The following TMOD1 variants were observed in gnomAD, a reference collection of about 807,000 sequenced individuals.
TMOD1 encodes the protein tropomodulin 1.
In TMOD1, 17 loss-of-function variants were observed where a neutral mutation model predicts 40.6. The observed-to-expected ratio is 0.42, with a 90% CI of 0.29 to 0.63. TMOD1 has a LOEUF of 0.63. Ranked by LOEUF, TMOD1 falls within the 20% of genes least tolerant of loss-of-function variation. TMOD1 has a pLI of 0.22. For missense variants in TMOD1, 391 were observed against 447.6 expected (o/e 0.87, Z 1.14); for synonymous variants, 181 against 175.0 (o/e 1.03, Z -0.27).
chr9:97,556,772 A>G (rs924175005), intron 4 of TMOD1, among the ~76,000 whole-genome samples: 5 of 152,236 alleles, frequency 3.3e-5, no homozygotes, highest in African/African-American at 1.2e-4. Flanking sequence ...CACTTGGGGT[A>G]GGGCTGGGGG....
chr9:97,560,137 T>A (rs904546554), intron 4 of TMOD1, among the ~76,000 whole-genome samples: 3 of 106,708 alleles, frequency 2.8e-5, no homozygotes, highest in African/African-American at 1.0e-4. Context: ...GACTTGGATA[T>A]TTTTTAAAAA....
At chr9:97,563,953 A>G (rs751212498) in intron 5 of TMOD1, 85 bp from the exon 6 acceptor site, 94 of 1,520,000 alleles carry the variant, frequency 6.2e-5, no homozygotes, top group Non-Finnish European at 8.1e-5. Context: ...AACCCTGCAC[A>G]TGCTCCCTTC....
chr9:97,561,571 A>G (rs1026901780), intron 4 of TMOD1, among the ~76,000 whole-genome samples: 1 of 152,218 alleles, frequency 6.6e-6, no homozygotes, highest in Non-Finnish European at 1.5e-5. Context: ...GGCCCAGAGC[A>G]TGTGCTCAGT....
At chr9:97,511,108 A>ACACACACATACG (rs1554752913) in intron 1 of TMOD1, among the ~76,000 whole-genome samples, 5 of 149,714 alleles carry the variant, frequency 3.3e-5, no homozygotes, top group African/African-American at 1.2e-4. Context: ...ACACACACAC[A>ACACACACATACG]CACAGGCTTT....
chr9:97,522,052 T>TG (rs917820061), intron 1 of TMOD1, among the ~76,000 whole-genome samples: 6 of 152,244 alleles, frequency 3.9e-5, no homozygotes, highest in African/African-American at 1.4e-4. Context: ...GTTGGTTGGT[T>TG]GGCTTGCATG....
chr9:97,549,595 A>AT (rs369661028), intron 3 of TMOD1, among the ~76,000 whole-genome samples: 2 of 152,062 alleles, frequency 1.3e-5, no homozygotes, highest in Non-Finnish European at 2.9e-5. Context: ...GTTATGATAC[A>AT]TTTTTTTCCC....
At chr9:97,545,949 A>G (rs10817739) in intron 2 of TMOD1, among the ~76,000 whole-genome samples, 30,817 of 152,056 alleles carry the variant, frequency 0.2, 3,558 homozygotes, top group Middle Eastern at 0.29. Context: ...TTGAGACCTG[A>G]GTCCTAGCCT....
chr9:97,598,284 C>T lies in TMOD1; in HGVS notation c.1016-1350C>T, dbSNP rs182051311. ...GCGAGGTTGCAGTGGGCCAAGATTG[C>T]GCCACTGCACTCCAGTCTGTGTGAC... is the stretch of plus-strand genomic sequence containing the variant. On this transcript the variant is annotated intron_variant, in intron 9 of 9. Transcript: ENST00000259365. Among the ~76,000 whole-genome samples the T allele has an allele frequency of 6.4e-5, 9 of 139,562 alleles. No individual in the cohort carries two copies. In the East Asian group the frequency reaches 1.8e-3, roughly 28 times the overall value. The allele number at this position is 139,562 out of a possible 152,430, so 91.6% of individuals were successfully genotyped here.
chr9:97,535,171 G>C (rs887502194), intron 2 of TMOD1, among the ~76,000 whole-genome samples: 1 of 152,154 alleles, frequency 6.6e-6, no homozygotes, highest in Non-Finnish European at 1.5e-5. Context: ...GAGTATGCTG[G>C]GGAGTGATGT....
intron 1 of TMOD1, among the ~76,000 whole-genome samples, chr9:97,504,722 G>A (rs945692547): frequency 2.0e-5 from 3 of 152,090 alleles, no homozygotes; most frequent in African/African-American, 7.2e-5. Context: ...CCTGCTCTGG[G>A]GCCTCATAAC....
intron 1 of TMOD1, among the ~76,000 whole-genome samples, chr9:97,512,166 G>A (rs1267979997): frequency 6.6e-6 from 1 of 152,104 alleles, no homozygotes; most frequent in Non-Finnish European, 1.5e-5. Context: ...ATGTCCAGAA[G>A]GCATATAAAA....
chr9:97,542,529 C>A (rs1830288891), intron 2 of TMOD1, among the ~76,000 whole-genome samples: 1 of 152,012 alleles, frequency 6.6e-6, no homozygotes, highest in African/African-American at 2.4e-5. Flanking sequence ...AATGCAGTGG[C>A]TCTCAATCAG....
chr9:97,571,649 C>T (rs376715611), intron 8 of TMOD1, among the ~76,000 whole-genome samples: 9 of 152,334 alleles, frequency 5.9e-5, no homozygotes, highest in African/African-American at 2.2e-4. Context: ...GATGAGGAAA[C>T]GGAGTGCCAG....
At chr9:97,510,236 G>GT (rs1829673203) in intron 1 of TMOD1, among the ~76,000 whole-genome samples, 3 of 125,614 alleles carry the variant, frequency 2.4e-5, no homozygotes, top group African/African-American at 2.8e-5. Flanking sequence ...CTACAAGTTA[G>GT]CTTTTTTTTT....
At chr9:97,559,794 A>AT (rs1554683057) in intron 4 of TMOD1, among the ~76,000 whole-genome samples, 40 of 23,142 alleles carry the variant, frequency 1.7e-3, no homozygotes, top group Non-Finnish European at 2.2e-3. Flanking sequence ...AAAAAAAAAA[A>AT]ATATATATAT....
intron 4 of TMOD1, chr9:97,555,813 G>T: frequency 4.0e-6 from 4 of 991,960 alleles, no homozygotes; most frequent in Non-Finnish European, 6.3e-6. Flanking sequence ...AGTAGGCAAG[G>T]TGTGGTTAAA....
At position 97,571,025 on chromosome 9, in the gene TMOD1, G is replaced by A. The variant is rs1307719089; in HGVS notation, c.870+1988G>A. ...CCCTCCCCACCCCTACCCCTTCTGC[G>A]CCCTCCCTTAGCCATTGCTGACTGT... On this transcript the variant is annotated intron_variant, in intron 8 of 9. Coordinates refer to ENST00000259365, the MANE Select transcript of TMOD1 (RefSeq NM_003275.4). Among the ~76,000 whole-genome samples, 6 of 152,020 alleles carry A rather than the reference G, an allele frequency of 3.9e-5. No homozygotes were observed. In the South Asian group the frequency reaches 6.2e-4, roughly 16 times the overall value.
At chr9:97,550,992 TTA>T (rs1172274297) in intron 3 of TMOD1, among the ~76,000 whole-genome samples, 1,466 of 96,302 alleles carry the variant, frequency 0.015, 21 homozygotes, top group East Asian at 0.042. Context: ...TCTAAGAATT[TTA>T]TATATATATA....
intron 9 of TMOD1, among the ~76,000 whole-genome samples, chr9:97,597,607 A>G (rs1587968688): frequency 6.8e-6 from 1 of 146,302 alleles, no homozygotes; most frequent in South Asian, 2.2e-4. Flanking sequence ...CTGAGGCAGG[A>G]CAATTGCTTG....
Sources: gnomAD v4.1 joint callset for allele counts (sites outside exome capture counted in the v4.1 genomes callset) on GRCh38, gnomAD v4.1.1 for gene constraint, MANE v1.5 for transcripts, NCBI Gene and HGNC (gene_info 2026-07-23, HGNC 2026-07-21) for gene names.